The following GRM5 variants were observed in gnomAD, a reference collection of about 807,000 sequenced individuals.
GRM5 encodes the protein glutamate metabotropic receptor 5.
Under a neutral mutation model 83.1 loss-of-function variants are expected in GRM5, and 19 were observed. The ratio of observed to expected loss-of-function variants is 0.23; its 90% CI spans 0.16 to 0.34. The LOEUF (loss-of-function observed/expected upper bound fraction) is 0.34. Ranked by LOEUF, GRM5 falls within the 10% of genes least tolerant of loss-of-function variation. The probability of loss-of-function intolerance (pLI) is 1.00; values close to 1 mark genes in which losing one functional copy is unlikely to be tolerated. For missense variants in GRM5, 1,160 were observed against 1,588.3 expected, an observed-to-expected ratio of 0.73 and a Z score of 4.58; for synonymous variants, 675 against 633.6, an observed-to-expected ratio of 1.07 and a Z score of -0.98.
chr11:88,849,122 C>A (rs1190828789), intron 3 of GRM5, among the ~76,000 whole-genome samples: 1 of 151,852 alleles, frequency 6.6e-6, no homozygotes, highest in African/African-American at 2.4e-5. Context: ...GAACCAATTC[C>A]TTGTAGTAAA....
intron 2 of GRM5, chr11:89,008,910 CTTTAG>C: frequency 2.0e-6 from 1 of 512,454 alleles, no homozygotes; most frequent in East Asian, 3.0e-5. Context: ...TCTGTTATTC[CTTTAG>C]TTTGTTTCTT....
intron 4 of GRM5, among the ~76,000 whole-genome samples, chr11:88,622,943 T>C (rs1938680505): frequency 6.6e-6 from 1 of 152,190 alleles, no homozygotes; most frequent in Non-Finnish European, 1.5e-5. Flanking sequence ...AAAAGGACAC[T>C]AATAGTAATT....
chr11:88,936,826 A>G (rs2135658545), intron 2 of GRM5, among the ~76,000 whole-genome samples: 1 of 151,934 alleles, frequency 6.6e-6, no homozygotes, highest in South Asian at 2.1e-4. Flanking sequence ...GTTTGGACCA[A>G]TTGAAATATT....
intron 3 of GRM5, among the ~76,000 whole-genome samples, chr11:88,668,779 T>C (rs1940117164): frequency 6.6e-6 from 1 of 152,198 alleles, no homozygotes; most frequent in Non-Finnish European, 1.5e-5. Context: ...ACTGAAACTT[T>C]GTATTTCTTG....
intron 3 of GRM5, among the ~76,000 whole-genome samples, chr11:88,817,715 G>A (rs12294885): frequency 0.026 from 3,884 of 152,144 alleles, 175 homozygotes; most frequent in African/African-American, 0.089. Flanking sequence ...TGCTAACATT[G>A]TGGTAGCCAG....
intron 3 of GRM5, among the ~76,000 whole-genome samples, chr11:88,798,020 A>G (rs1315675738): frequency 6.6e-6 from 1 of 151,918 alleles, no homozygotes; most frequent in Non-Finnish European, 1.5e-5. Context: ...CCTTCATCCC[A>G]TGCTTCTCTC....
At chr11:89,023,883 AAATAAATAAAT>A (rs1941057550) in intron 2 of GRM5, among the ~76,000 whole-genome samples, 3 of 145,004 alleles carry the variant, frequency 2.1e-5, no homozygotes, top group South Asian at 2.1e-4. Context: ...ATAAATAAAT[AAATAAATAAAT>A]AAAAATAAAT....
At chr11:88,669,136 C>A (rs1490088558) in intron 3 of GRM5, among the ~76,000 whole-genome samples, 1 of 151,854 alleles carries the variant, frequency 6.6e-6, no homozygotes, top group Non-Finnish European at 1.5e-5. Context: ...GTAGATACAC[C>A]CTAAATGTTC....
At chr11:88,786,595 C>A (rs915356136) in intron 3 of GRM5, among the ~76,000 whole-genome samples, 11 of 152,092 alleles carry the variant, frequency 7.2e-5, no homozygotes, top group African/African-American at 2.7e-4. Context: ...TGCCCTCAAC[C>A]TGGAGAGCTC....
intron 2 of GRM5, among the ~76,000 whole-genome samples, chr11:89,007,749 TG>T (rs1483280911): frequency 1.3e-5 from 2 of 152,104 alleles, no homozygotes; most frequent in Non-Finnish European, 2.9e-5. Flanking sequence ...AACTATGAAG[TG>T]AAGGCAGGGA....
intron 1 of GRM5, among the ~76,000 whole-genome samples, chr11:89,056,128 A>G (rs935744641): frequency 3.8e-4 from 58 of 152,182 alleles, no homozygotes; most frequent in African/African-American, 1.4e-3. Flanking sequence ...ACAATGTTGC[A>G]TTTTGCTTGC....
intron 2 of GRM5, among the ~76,000 whole-genome samples, chr11:89,000,589 T>C (rs1940345943): frequency 6.6e-6 from 1 of 152,166 alleles, no homozygotes. Flanking sequence ...TTGAAATTAT[T>C]TTAAAATTTT....
intron 3 of GRM5, among the ~76,000 whole-genome samples, chr11:88,794,270 C>T (rs1943233427): frequency 6.6e-6 from 1 of 152,092 alleles, no homozygotes; most frequent in African/African-American, 2.4e-5. Context: ...AATGTTACCC[C>T]ATGTTCAAGC....
intron 2 of GRM5, among the ~76,000 whole-genome samples, chr11:88,987,877 G>C (rs939668400): frequency 6.6e-6 from 1 of 150,760 alleles, no homozygotes; most frequent in Non-Finnish European, 1.5e-5. Flanking sequence ...CATCATCAAA[G>C]ACCAAAAGTA....
intron 3 of GRM5, among the ~76,000 whole-genome samples, chr11:88,753,328 G>A: frequency 6.6e-6 from 1 of 151,776 alleles, no homozygotes; most frequent in Non-Finnish European, 1.5e-5. Context: ...ACATACATGT[G>A]GCCAATAAAC....
chr11:88,564,113 A>C (rs948999229), intron 8 of GRM5, among the ~76,000 whole-genome samples: 4 of 152,160 alleles, frequency 2.6e-5, no homozygotes, highest in African/African-American at 9.7e-5. Context: ...TGAATATGCC[A>C]GTTGATGTCA....
chr11:88,879,997 G>A (rs1944925427), intron 2 of GRM5, among the ~76,000 whole-genome samples: 2 of 152,088 alleles, frequency 1.3e-5, no homozygotes, highest in Admixed American at 1.3e-4. Context: ...CTTTAATGAA[G>A]TGGTTTGGGT....
At chr11:88,736,471 G>A (rs962437523) in intron 3 of GRM5, among the ~76,000 whole-genome samples, 6 of 152,012 alleles carry the variant, frequency 3.9e-5, no homozygotes, top group African/African-American at 1.4e-4. Flanking sequence ...AACAGGGCAG[G>A]TTGATGCCAG....
chr11:88,591,177 T>G (rs1937633081), intron 6 of GRM5, among the ~76,000 whole-genome samples: 1 of 152,218 alleles, frequency 6.6e-6, no homozygotes, highest in African/African-American at 2.4e-5. Flanking sequence ...TATTTCCTAA[T>G]CTTCTAAAAT....
Sources: gnomAD v4.1 joint callset for allele counts (sites outside exome capture counted in the v4.1 genomes callset) on GRCh38, gnomAD v4.1.1 for gene constraint, MANE v1.5 for transcripts, NCBI Gene and HGNC (gene_info 2026-07-23, HGNC 2026-07-21) for gene names.